Variants in EPHA5 observed in about 807,000 individuals in gnomAD.
EPHA5 encodes the protein ephrin type-A receptor 5.
A neutral mutation model predicts 105.0 loss-of-function variants in EPHA5; 60 were observed. That is an observed-to-expected ratio of 0.57 (90% CI 0.46 to 0.71). EPHA5 has a LOEUF of 0.71. EPHA5 is among the 30% of genes least tolerant of loss of function. EPHA5 has a pLI of 0.00. For synonymous variants in EPHA5, 513 were observed against 449.1 expected (o/e 1.14, Z -1.80); for missense variants, 1,218 against 1,274.7 (o/e 0.96, Z 0.68).
intron 3 of EPHA5, among the ~76,000 whole-genome samples, chr4:65,528,512 A>T (rs561213480): frequency 3.3e-5 from 5 of 152,154 alleles, no homozygotes; most frequent in Non-Finnish European, 7.4e-5. Flanking sequence ...TCCGTAGAGA[A>T]TTCAATGTGT....
At chr4:65,533,247 TTTAA>T (rs1735991187) in intron 3 of EPHA5, among the ~76,000 whole-genome samples, 1 of 152,196 alleles carries the variant, frequency 6.6e-6, no homozygotes. Flanking sequence ...AAAAAATTAA[TTTAA>T]TTATTATACA....
chr4:65,518,313 T>C (rs1246357253), intron 3 of EPHA5, among the ~76,000 whole-genome samples: 3 of 152,038 alleles, frequency 2.0e-5, no homozygotes, highest in Non-Finnish European at 2.9e-5. Flanking sequence ...GTCTTACGTA[T>C]TATCTTATAA....
chr4:65,335,772 A>C (rs1023809680), intron 15 of EPHA5, among the ~76,000 whole-genome samples, 160 bp downstream of exon 15: 6 of 152,042 alleles, frequency 3.9e-5, no homozygotes, highest in African/African-American at 1.4e-4. Flanking sequence ...TATTTCATTC[A>C]TTGTAAGAGA....
At chr4:65,609,944 G>C (rs1214566172) in intron 2 of EPHA5, among the ~76,000 whole-genome samples, 1 of 151,950 alleles carries the variant, frequency 6.6e-6, no homozygotes, top group Non-Finnish European at 1.5e-5. Context: ...TTTAATGAGA[G>C]ATATTAAACA....
At position 65,417,714 on chromosome 4, in the gene EPHA5, A is replaced by C. The variant is rs143640028; in HGVS notation, c.1527+2727T>G. On this transcript the variant is annotated intron_variant, in intron 6 of 16. Coordinates refer to ENST00000613740, the MANE Select transcript of EPHA5 (RefSeq NM_001281766.3). ...ATATAAGACCAAATCATACTGAGAT[A>C]AATGTAACTCAAAAAAAATTAAACT... Among the ~76,000 whole-genome samples the C allele has an allele frequency of 2.4e-3, 369 of 152,230 alleles. 3 individuals carry two copies. Among genetic ancestry groups the C allele is most frequent in the African/African-American group, 8.0e-3 (332 of 41,578 alleles).
In EPHA5 at chr4:65,321,690, TC is replaced by T. The variant is rs1719651302; in HGVS notation, c.*2423del. ...TTTGATCCAAATTAATTTATATTCT[TC>T]CTTTGTTAAAAAGAGAAAATCTATA... On this transcript the variant is annotated 3_prime_UTR_variant, in exon 17 of 17. Coordinates refer to ENST00000613740, the MANE Select transcript of EPHA5 (RefSeq NM_001281766.3). The T allele has an allele frequency of 4.4e-6, 1 of 228,894 alleles. No individual in the cohort carries two copies. The highest frequency in any genetic ancestry group is 6.2e-5 in the East Asian group (1 of 16,152). 14.2% of individuals were successfully genotyped at this position (228,894 alleles called of 1,614,324 possible).
intron 3 of EPHA5, chr4:65,573,810 A>G (rs1740498385): frequency 1.2e-6 from 2 of 1,613,702 alleles, no homozygotes. Flanking sequence ...ATATTATCCT[A>G]CTGAAGATGT....
rs747507614 is a variant in EPHA5, at chr4:65,351,370, G to A, written c.2445+19C>T. Reference sequence around the variant, plus strand: ...TGGCTCTGGTCTAGTGTTTAGAAATGCACTCTGTTAGATCTTACCCTTGTG... The same window carrying A: ...TGGCTCTGGTCTAGTGTTTAGAAATACACTCTGTTAGATCTTACCCTTGTG... On this transcript the variant is annotated intron_variant, in intron 13 of 16. Coordinates refer to ENST00000613740, the MANE Select transcript of EPHA5 (RefSeq NM_001281766.3). 1 of 1,608,242 alleles carries A rather than the reference G, an allele frequency of 6.2e-7. No homozygotes were observed. Among genetic ancestry groups the A allele is most frequent in the East Asian group, 2.2e-5 (1 of 44,758 alleles).
chr4:65,655,323 G>C (rs1748961451), intron 1 of EPHA5, among the ~76,000 whole-genome samples: 1 of 151,638 alleles, frequency 6.6e-6, no homozygotes, highest in Non-Finnish European at 1.5e-5. Flanking sequence ...TAAATCCATT[G>C]GCTCTTTCTA....
chr4:65,348,679 TATATATATATATATATATAAA>T (rs1722466869), intron 13 of EPHA5, among the ~76,000 whole-genome samples: 1 of 78,516 alleles, frequency 1.3e-5, no homozygotes, highest in Non-Finnish European at 2.8e-5. Context: ...TATATATATA[TATATATATATATATATATAAA>T]ATATATATGT....
chr4:65,365,689 A>ATATATATATATT (rs765636669), intron 10 of EPHA5, among the ~76,000 whole-genome samples: 3,225 of 93,410 alleles, frequency 0.035, 452 homozygotes, highest in Non-Finnish European at 0.055. Flanking sequence ...ATATATATAT[A>ATATATATATATT]GTGAAACATT....
intron 1 of EPHA5, among the ~76,000 whole-genome samples, chr4:65,650,152 A>G (rs574633643): frequency 2.0e-5 from 3 of 152,260 alleles, no homozygotes; most frequent in African/African-American, 7.2e-5. Flanking sequence ...TCATCCCCAA[A>G]TTCAGCCTGC....
intron 5 of EPHA5, among the ~76,000 whole-genome samples, chr4:65,437,859 T>C (rs1431567127): frequency 6.6e-6 from 1 of 151,908 alleles, no homozygotes; most frequent in Admixed American, 6.6e-5. Context: ...AATAATAAAA[T>C]TTCCATGTTA....
At chr4:65,409,729 T>G (rs1282522494) in intron 7 of EPHA5, among the ~76,000 whole-genome samples, 7 of 152,216 alleles carry the variant, frequency 4.6e-5, no homozygotes, top group Non-Finnish European at 7.3e-5. Context: ...AAAGGCATAA[T>G]TTTTAATAAG....
chr4:65,501,812 G>T (rs1044429836), intron 3 of EPHA5, among the ~76,000 whole-genome samples: 2 of 151,532 alleles, frequency 1.3e-5, no homozygotes, highest in African/African-American at 4.8e-5. Context: ...TAAGCCAAAA[G>T]GAACAAAGTG....
rs140380511 is a variant in EPHA5, at chr4:65,367,556, G to A, written c.1794-132C>T. The A allele has an allele frequency of 6.7e-3, 4,953 of 737,444 alleles. 29 individuals carry two copies. The highest frequency in any genetic ancestry group is 0.014 in the Middle Eastern group (58 of 4,204). 45.7% of individuals were successfully genotyped at this position (737,444 alleles called of 1,614,324 possible). ...TTTCATACTAGTAGTTTGGAATGAT[G>A]CCAATACTAGTAGTTTGGATGAGAC... On this transcript the variant is annotated intron_variant, in intron 8 of 16. Transcript: ENST00000613740.
chr4:65,579,960 T>G (rs1741453611), intron 3 of EPHA5, among the ~76,000 whole-genome samples: 1 of 151,908 alleles, frequency 6.6e-6, no homozygotes, highest in Admixed American at 6.6e-5. Flanking sequence ...CATGCGAAAT[T>G]TAATAGTCTT....
chr4:65,335,904 G>A (rs1001661463), intron 15 of EPHA5, 28 bp downstream of exon 15: 1 of 1,560,208 alleles, frequency 6.4e-7, no homozygotes, highest in Non-Finnish European at 8.7e-7. Flanking sequence ...GCTACATTCT[G>A]GAAAATCACT....
chr4:65,650,851 C>T (rs1056804322), intron 1 of EPHA5, among the ~76,000 whole-genome samples: 1 of 152,128 alleles, frequency 6.6e-6, no homozygotes, highest in African/African-American at 2.4e-5. Flanking sequence ...CTTTGTAAAC[C>T]ACCAATATAA....
Sources: allele counts gnomAD v4.1 joint callset (sites outside exome capture counted in the v4.1 genomes callset), GRCh38; gene constraint gnomAD v4.1.1; transcripts MANE v1.5; gene names NCBI Gene and HGNC (gene_info 2026-07-23, HGNC 2026-07-21).